Variants in SUMF1 observed in about 807,000 individuals in gnomAD.
SUMF1 encodes the protein sulfatase modifying factor 1, also known as formylglycine-generating enzyme.
SUMF1 carries 48 observed loss-of-function variants against 47.6 expected under a neutral mutation model. The observed-to-expected ratio is 1.01, with a 90% confidence interval of 0.80 to 1.28. SUMF1 has a LOEUF of 1.28. Ranked by LOEUF, SUMF1 falls within the 50% of genes most tolerant of loss-of-function variation. The pLI is 0.00. For synonymous variants in SUMF1, 230 were observed against 192.1 expected, an observed-to-expected ratio of 1.20 and a Z score of -1.63; for missense variants, 571 against 485.4, an observed-to-expected ratio of 1.18 and a Z score of -1.66.
intron 8 of SUMF1, among the ~76,000 whole-genome samples, chr3:4,248,822 T>C (rs75627966): frequency 0.011 from 1,711 of 152,296 alleles, 32 homozygotes; most frequent in African/African-American, 0.04. Context: ...GAGAGCAACA[T>C]GTTCCTAGAG....
At chr3:4,392,501 A>C (rs1444557261) in intron 7 of SUMF1, among the ~76,000 whole-genome samples, 1 of 151,642 alleles carries the variant, frequency 6.6e-6, no homozygotes, top group Non-Finnish European at 1.5e-5. Flanking sequence ...TTTAGCTGAA[A>C]ACTAGACATT....
At chr3:4,206,163 C>T (rs1368420554) in intron 8 of SUMF1, among the ~76,000 whole-genome samples, 1 of 151,262 alleles carries the variant, frequency 6.6e-6, no homozygotes, top group Non-Finnish European at 1.5e-5. Flanking sequence ...TTTCCTCTCA[C>T]CTCTCCTTTC....
intron 8 of SUMF1, among the ~76,000 whole-genome samples, chr3:4,287,896 T>C (rs1172043210): frequency 6.6e-6 from 1 of 152,196 alleles, no homozygotes; most frequent in Non-Finnish European, 1.5e-5. Context: ...TATAGGGAAA[T>C]AGAATATTTT....
At chr3:4,096,849 C>A (rs1354038967) in intron 8 of SUMF1, among the ~76,000 whole-genome samples, 1 of 152,052 alleles carries the variant, frequency 6.6e-6, no homozygotes, top group African/African-American at 2.4e-5. Context: ...CTATTTAGTT[C>A]TAATTGAGTC....
At chr3:4,071,714 C>G (rs1559445732) in intron 8 of SUMF1, among the ~76,000 whole-genome samples, 1 of 152,196 alleles carries the variant, frequency 6.6e-6, no homozygotes, top group African/African-American at 2.4e-5. Context: ...TGGAGCCCAC[C>G]ACAGCTCAGC....
intron 7 of SUMF1, among the ~76,000 whole-genome samples, chr3:4,380,336 C>G (rs1203490546): frequency 1.3e-5 from 2 of 152,174 alleles, no homozygotes; most frequent in East Asian, 3.9e-4. Flanking sequence ...AAACCAAATA[C>G]CGCATGTTCT....
chr3:4,181,426 G>A (rs1238068784), intron 8 of SUMF1, among the ~76,000 whole-genome samples: 2 of 152,106 alleles, frequency 1.3e-5, no homozygotes, highest in Non-Finnish European at 2.9e-5. Context: ...AGAAGCAATA[G>A]AAAAATATAT....
chr3:4,118,529 T>A (rs1693470956), intron 8 of SUMF1, among the ~76,000 whole-genome samples: 1 of 152,156 alleles, frequency 6.6e-6, no homozygotes, highest in Non-Finnish European at 1.5e-5. Context: ...ATTTTAAATG[T>A]GTACCTATAT....
intron 8 of SUMF1, among the ~76,000 whole-genome samples, chr3:4,095,102 T>C (rs1692873419): frequency 6.6e-6 from 1 of 152,154 alleles, no homozygotes. Context: ...CAGTGTAATA[T>C]TTATACAGGA....
At chr3:4,035,896 C>A (rs1694784686) in intron 9 of SUMF1, among the ~76,000 whole-genome samples, 1 of 151,776 alleles carries the variant, frequency 6.6e-6, no homozygotes, top group African/African-American at 2.4e-5. Context: ...AGAGACACTG[C>A]AGTTTAGGGG....
At chr3:4,110,771 C>T (rs1322658790) in intron 8 of SUMF1, among the ~76,000 whole-genome samples, 1 of 143,734 alleles carries the variant, frequency 7.0e-6, no homozygotes, top group African/African-American at 2.6e-5. Context: ...CATGTTCTCA[C>T]TCATAGGTGG....
intron 8 of SUMF1, among the ~76,000 whole-genome samples, chr3:4,158,073 G>C (rs958294095): frequency 1.3e-5 from 2 of 151,568 alleles, no homozygotes; most frequent in Admixed American, 1.3e-4. Flanking sequence ...TCAATTCAAA[G>C]AGCATCTGCC....
chr3:4,181,863 T>C (rs1483065455), intron 8 of SUMF1, among the ~76,000 whole-genome samples: 3 of 152,138 alleles, frequency 2.0e-5, no homozygotes, highest in Non-Finnish European at 4.4e-5. Flanking sequence ...TACATGGACC[T>C]GAGGCTGGGG....
intron 8 of SUMF1, among the ~76,000 whole-genome samples, chr3:4,203,808 ACT>A (rs1295782868): frequency 6.6e-6 from 1 of 151,644 alleles, no homozygotes; most frequent in African/African-American, 2.4e-5. Flanking sequence ...ACATCTTGTA[ACT>A]CATTATTTTA....
intron 8 of SUMF1, among the ~76,000 whole-genome samples, chr3:4,199,909 CA>C (rs1433107460): frequency 6.6e-6 from 1 of 152,040 alleles, no homozygotes; most frequent in Non-Finnish European, 1.5e-5. Context: ...TATTTGCATC[CA>C]TTCCTTTTTG....
intron 9 of SUMF1, among the ~76,000 whole-genome samples, chr3:4,063,268 C>T (rs1051794247): frequency 5.3e-5 from 8 of 152,012 alleles, no homozygotes; most frequent in Admixed American, 3.9e-4. Flanking sequence ...CAACCCAGAC[C>T]ACTATAACTG....
intron 8 of SUMF1, among the ~76,000 whole-genome samples, chr3:4,128,958 T>C (rs536259070): frequency 2.0e-5 from 3 of 152,196 alleles, no homozygotes; most frequent in East Asian, 1.9e-4. Flanking sequence ...TGTGAGTGAA[T>C]TGGGAATGCC....
At chr3:4,419,201 AG>A (rs1177773655) in intron 4 of SUMF1, among the ~76,000 whole-genome samples, 1 of 152,232 alleles carries the variant, frequency 6.6e-6, no homozygotes, top group African/African-American at 2.4e-5. Flanking sequence ...CTGGGAGCTA[AG>A]AAGCCAAGTC....
intron 8 of SUMF1, among the ~76,000 whole-genome samples, chr3:4,231,971 A>G (rs969693436): frequency 6.6e-6 from 1 of 152,178 alleles, no homozygotes; most frequent in African/African-American, 2.4e-5. Context: ...CAAAGAGTAT[A>G]GGTGGTATTG....
Sources: allele counts gnomAD v4.1 joint callset (sites outside exome capture counted in the v4.1 genomes callset), GRCh38; gene constraint gnomAD v4.1.1; transcripts MANE v1.5; gene names NCBI Gene and HGNC (gene_info 2026-07-23, HGNC 2026-07-21).